Variants in KHDRBS2 observed in about 807,000 individuals in gnomAD.
The protein encoded by KHDRBS2 is KH RNA binding domain containing, signal transduction associated 2.
A neutral mutation model predicts 44.3 loss-of-function variants in KHDRBS2; 26 were observed. The ratio of observed to expected loss-of-function variants is 0.59; its 90% CI spans 0.43 to 0.81. KHDRBS2 has a LOEUF of 0.81. KHDRBS2 is among the 40% of genes least tolerant of loss of function. KHDRBS2 has a pLI of 0.00. For missense variants in KHDRBS2, 476 were observed against 433.1 expected (o/e 1.10, Z -0.88); for synonymous variants, 194 against 151.1 (o/e 1.28, Z -2.08).
intron 3 of KHDRBS2, among the ~76,000 whole-genome samples, chr6:62,037,794 A>G (rs1220792638): frequency 3.9e-5 from 6 of 152,090 alleles, no homozygotes; most frequent in African/African-American, 1.2e-4. Context: ...GAATACTGGC[A>G]TAACAGATTA....
intron 4 of KHDRBS2, among the ~76,000 whole-genome samples, chr6:61,968,350 A>C (rs1770580481): frequency 6.6e-6 from 1 of 151,968 alleles, no homozygotes; most frequent in Non-Finnish European, 1.5e-5. Context: ...ATGCCCCTAC[A>C]CCTACCACAG....
chr6:61,682,855 A>G (rs926181193), intron 8 of KHDRBS2, among the ~76,000 whole-genome samples: 2 of 151,852 alleles, frequency 1.3e-5, no homozygotes, highest in African/African-American at 4.8e-5. Flanking sequence ...TTTTTGGTGT[A>G]CTCAAAGGGA....
At chr6:61,629,710 T>C in the KHDRBS2 span, among the ~76,000 whole-genome samples, 2 of 152,168 alleles carry the variant, frequency 1.3e-5, no homozygotes, top group Non-Finnish European at 2.9e-5. Context: ...ATAATACTAT[T>C]GAAAAACTAT....
At chr6:61,767,743 C>A (rs1196993885) in intron 6 of KHDRBS2, among the ~76,000 whole-genome samples, 2 of 152,062 alleles carry the variant, frequency 1.3e-5, no homozygotes, top group Non-Finnish European at 2.9e-5. Context: ...AACAAACAAG[C>A]AAAGAGAAAA....
intron 6 of KHDRBS2, among the ~76,000 whole-genome samples, chr6:61,765,424 G>A (rs1363160470): frequency 6.6e-6 from 1 of 152,052 alleles, no homozygotes; most frequent in Non-Finnish European, 1.5e-5. Context: ...GCACTCCAAC[G>A]TGGGCAACAA....
intron 2 of KHDRBS2, among the ~76,000 whole-genome samples, chr6:62,138,869 T>C (rs1394497206): frequency 1.3e-5 from 2 of 152,226 alleles, no homozygotes; most frequent in Non-Finnish European, 2.9e-5. Context: ...TGTTTTATCT[T>C]ATCACAGTGC....
At chr6:62,182,511 G>A (rs1380886038) in intron 1 of KHDRBS2, among the ~76,000 whole-genome samples, 1 of 151,892 alleles carries the variant, frequency 6.6e-6, no homozygotes. Flanking sequence ...AACTTTTTGA[G>A]GTGATAGATA....
At chr6:61,776,056 A>C (rs1248418430) in intron 6 of KHDRBS2, among the ~76,000 whole-genome samples, 1 of 152,218 alleles carries the variant, frequency 6.6e-6, no homozygotes, top group African/African-American at 2.4e-5. Context: ...TTCCCTATTT[A>C]ATAAATGGTG....
At chr6:62,200,517 C>A (rs958959509) in intron 1 of KHDRBS2, among the ~76,000 whole-genome samples, 32 of 152,224 alleles carry the variant, frequency 2.1e-4, no homozygotes, top group East Asian at 7.7e-4. Flanking sequence ...GAGAAATGCA[C>A]ATCAAAACCA....
the KHDRBS2 span, among the ~76,000 whole-genome samples, chr6:61,597,312 A>G: frequency 1.3e-5 from 2 of 152,080 alleles, no homozygotes; most frequent in Admixed American, 1.3e-4. Context: ...TTGGGAGGTG[A>G]CTTTAATTTA....
At chr6:62,212,893 A>C (rs1200447232) in intron 1 of KHDRBS2, among the ~76,000 whole-genome samples, 1 of 152,044 alleles carries the variant, frequency 6.6e-6, no homozygotes, top group Non-Finnish European at 1.5e-5. Context: ...GATGGGGGAG[A>C]GAGGGAAGGG....
chr6:61,824,270 G>A (rs1354193536), intron 6 of KHDRBS2, among the ~76,000 whole-genome samples: 3 of 152,060 alleles, frequency 2.0e-5, no homozygotes, highest in Admixed American at 6.6e-5. Flanking sequence ...GGATCATGAA[G>A]GTGTTTTTCT....
At chr6:61,895,385 A>G (rs1802767792) in intron 5 of KHDRBS2, among the ~76,000 whole-genome samples, 1 of 152,214 alleles carries the variant, frequency 6.6e-6, no homozygotes, top group South Asian at 2.1e-4. Flanking sequence ...CATTCTGTTT[A>G]CTATAGCTGC....
At chr6:62,123,831 G>T (rs1808303788) in intron 2 of KHDRBS2, among the ~76,000 whole-genome samples, 1 of 152,230 alleles carries the variant, frequency 6.6e-6, no homozygotes, top group Admixed American at 6.5e-5. Flanking sequence ...TATGAATATT[G>T]CTCCTTTTGT....
chr6:61,796,719 C>T (rs1785410347), intron 6 of KHDRBS2, among the ~76,000 whole-genome samples: 1 of 152,092 alleles, frequency 6.6e-6, no homozygotes, highest in African/African-American at 2.4e-5. Context: ...ACACCCTTTA[C>T]ACTTAAAATG....
At chr6:62,042,106 C>T (rs990791720) in intron 3 of KHDRBS2, among the ~76,000 whole-genome samples, 2 of 151,956 alleles carry the variant, frequency 1.3e-5, no homozygotes, top group African/African-American at 2.4e-5. Flanking sequence ...ATTGTATTCC[C>T]ACAAATATAT....
chr6:61,844,332 T>G (rs1331488439), intron 6 of KHDRBS2, among the ~76,000 whole-genome samples: 4 of 152,182 alleles, frequency 2.6e-5, no homozygotes, highest in Non-Finnish European at 5.9e-5. Flanking sequence ...CCTCAAAAAC[T>G]TTCAGCAAAT....
chr6:61,682,783 T>C (rs1766442354), intron 8 of KHDRBS2, among the ~76,000 whole-genome samples: 1 of 151,860 alleles, frequency 6.6e-6, no homozygotes, highest in African/African-American at 2.4e-5. Context: ...ACCATTTGAC[T>C]TTATCAACAT....
At chr6:61,747,091 TAAG>T (rs1311399431) in intron 6 of KHDRBS2, among the ~76,000 whole-genome samples, 3 of 151,944 alleles carry the variant, frequency 2.0e-5, no homozygotes, top group Non-Finnish European at 2.9e-5. Context: ...CAGACATTTT[TAAG>T]AAGAAGACAT....
Sources: gnomAD v4.1 joint callset for allele counts (sites outside exome capture counted in the v4.1 genomes callset) on GRCh38, gnomAD v4.1.1 for gene constraint, MANE v1.5 for transcripts, NCBI Gene and HGNC (gene_info 2026-07-23, HGNC 2026-07-21) for gene names.